GLIPR1L2: variants seen among roughly 807,000 people sequenced by gnomAD.
GLIPR1L2 encodes the protein GLIPR1 like 2.
A neutral mutation model predicts 28.4 loss-of-function variants in GLIPR1L2; 21 were observed. That is an observed-to-expected ratio of 0.74 (90% CI 0.52 to 1.06). GLIPR1L2 has a LOEUF of 1.06. GLIPR1L2 is among the 50% of genes least tolerant of loss of function. GLIPR1L2 has a pLI of 0.00. For synonymous variants in GLIPR1L2, 145 were observed against 139.3 expected (o/e 1.04, Z -0.29); for missense variants, 476 against 416.9 (o/e 1.14, Z -1.23).
chr12:75,422,927 A>G lies in GLIPR1L2; in HGVS notation c.608A>G (p.Tyr203Cys). The change falls in exon 4 of 6, where the codon TAT (tyrosine) becomes TGT (cysteine). Residue 203 changes from tyrosine (Y) to cysteine (C), a missense_variant. Tyr to Cys is a radical substitution (Grantham distance 194). Coordinates refer to ENST00000550916, the MANE Select transcript of GLIPR1L2 (RefSeq NM_001270396.2). ...APGGTLTRRP[Y>C]EPGIFCTRCG... ...AGAGGAACACTGACGAGAAGACCTT[A>G]TGAACCAGGAATATTTTGTACTCGA... 1.2e-6 allele frequency: 2 copies of G among 1,611,898 alleles called. No homozygotes were observed. The highest frequency in any genetic ancestry group is 1.3e-5 in the African/African-American group (1 of 74,918).
At chr12:75,413,237 C>G (rs1201360998) in intron 2 of GLIPR1L2, among the ~76,000 whole-genome samples, 1 of 151,426 alleles carries the variant, frequency 6.6e-6, no homozygotes, top group African/African-American at 2.4e-5. Context: ...GGAGATATAC[C>G]TAATGCTAAA....
chr12:75,403,834 C>T (rs1035365354), intron 1 of GLIPR1L2, among the ~76,000 whole-genome samples: 2 of 152,054 alleles, frequency 1.3e-5, no homozygotes, highest in East Asian at 3.8e-4. Flanking sequence ...ACTCAGGAAC[C>T]CTCAGAAGCA....
At chr12:75,399,163 T>C (rs759645180) in intron 1 of GLIPR1L2, among the ~76,000 whole-genome samples, 15 of 152,274 alleles carry the variant, frequency 9.9e-5, no homozygotes, top group African/African-American at 1.9e-4. Context: ...ATTGAACATA[T>C]TAGATTTTAT....
At chr12:75,399,845 A>C (rs2045720660) in intron 1 of GLIPR1L2, among the ~76,000 whole-genome samples, 1 of 152,226 alleles carries the variant, frequency 6.6e-6, no homozygotes, top group Non-Finnish European at 1.5e-5. Flanking sequence ...TAGTCCTTGT[A>C]GAGAAGAATC....
At chr12:75,398,185 C>T (rs1264853398) in intron 1 of GLIPR1L2, among the ~76,000 whole-genome samples, 6 of 151,648 alleles carry the variant, frequency 4.0e-5, no homozygotes, top group Non-Finnish European at 8.8e-5. Context: ...CAAAAATTGC[C>T]GAGCGTTGTG....
At chr12:75,395,953 TAC>T (rs1415481850) in intron 1 of GLIPR1L2, among the ~76,000 whole-genome samples, 2 of 152,150 alleles carry the variant, frequency 1.3e-5, no homozygotes, top group Non-Finnish European at 2.9e-5. Context: ...ACCTATGGTG[TAC>T]AGTTAGGTTG....
intron 1 of GLIPR1L2, among the ~76,000 whole-genome samples, chr12:75,395,248 C>G (rs979736829): frequency 6.6e-6 from 1 of 151,900 alleles, no homozygotes; most frequent in Non-Finnish European, 1.5e-5. Flanking sequence ...TTTTATATAT[C>G]GAACCATTCC....
intron 3 of GLIPR1L2, among the ~76,000 whole-genome samples, chr12:75,413,933 T>C (rs934986969): frequency 1.3e-5 from 2 of 152,068 alleles, no homozygotes; most frequent in Admixed American, 1.3e-4. Flanking sequence ...TTTAGTATTA[T>C]TTCACAATAT....
chr12:75,418,326 A>G (rs2139954375), intron 3 of GLIPR1L2, among the ~76,000 whole-genome samples: 1 of 152,188 alleles, frequency 6.6e-6, no homozygotes, highest in East Asian at 1.9e-4. Context: ...CTAATACATA[A>G]AAGACTTAAA....
At chr12:75,412,977 A>G (rs2045884775) in intron 2 of GLIPR1L2, among the ~76,000 whole-genome samples, 1 of 151,708 alleles carries the variant, frequency 6.6e-6, no homozygotes, top group Admixed American at 6.6e-5. Context: ...TGGATTAAGA[A>G]AATGTGGCAC....
At chr12:75,428,051 G>A (rs578221074) in intron 4 of GLIPR1L2, among the ~76,000 whole-genome samples, 18 of 152,324 alleles carry the variant, frequency 1.2e-4, no homozygotes, top group Admixed American at 9.8e-4. Context: ...AGCAACTTTG[G>A]AACTGGGTAA....
rs185568372 is a variant in GLIPR1L2 at position 75,400,280 on chromosome 12, G to A, written c.234+8930G>A. Among the ~76,000 whole-genome samples the A allele has an allele frequency of 4.6e-5, 7 of 151,966 alleles. No homozygotes were observed. The East Asian group carries it at 9.7e-4, about 21-fold the overall frequency. ...ACTACAGGCACCTGCCACCACGCCC[G>A]GCTAATTTTTTTTTGTATTTTTTTT... On this transcript the variant is annotated intron_variant, in intron 1 of 5. Coordinates refer to ENST00000550916, the MANE Select transcript of GLIPR1L2 (RefSeq NM_001270396.2).
chr12:75,408,742 T>C (rs2045829969), intron 1 of GLIPR1L2, among the ~76,000 whole-genome samples: 1 of 151,948 alleles, frequency 6.6e-6, no homozygotes, highest in South Asian at 2.1e-4. Flanking sequence ...ACATGCAAAC[T>C]GAAAGTTAAA....
intron 1 of GLIPR1L2, among the ~76,000 whole-genome samples, chr12:75,405,715 G>C (rs2045791087): frequency 6.6e-6 from 1 of 152,004 alleles, no homozygotes; most frequent in Non-Finnish European, 1.5e-5. Flanking sequence ...GCCTCTAGTG[G>C]TTATATGAGT....
chr12:75,431,296 T>C lies in GLIPR1L2; in HGVS notation c.*135T>C. The stretch of plus-strand genomic sequence containing the variant: ...AATATGCAAACCACCATTGGAATGT[T>C]TTTTATTCCCTTCTCTCCTATACTT... On this transcript the variant is annotated 3_prime_UTR_variant, in exon 6 of 6. Coordinates refer to ENST00000550916, the MANE Select transcript of GLIPR1L2 (RefSeq NM_001270396.2). 1 of 581,818 alleles carries C rather than the reference T, an allele frequency of 1.7e-6. No homozygotes were observed. The highest frequency in any genetic ancestry group is 3.0e-6 in the Non-Finnish European group (1 of 330,772). The allele number at this position is 581,818 out of a possible 1,614,324, so 36.0% of individuals were successfully genotyped here. A position where few individuals can be genotyped will look rare whatever the true frequency, so the allele number is the denominator to read the frequency against.
chr12:75,410,781 T>A, intron 2 of GLIPR1L2, 102 bp downstream of exon 2: 1 of 869,370 alleles, frequency 1.2e-6, no homozygotes, highest in Non-Finnish European at 1.7e-6. Flanking sequence ...ATAATAAAAT[T>A]ATCACATTTA....
In GLIPR1L2 at chr12:75,410,484, T is replaced by A. The variant is rs758774592; in HGVS notation, c.285T>A (p.Cys95Ter). The change falls in exon 2 of 6, where the codon TGT (cysteine) becomes TGA (stop). Residue 95 changes from cysteine to a stop codon, truncating the protein, a stop_gained. Transcript: ENST00000550916. LOFTEE classifies it high-confidence loss of function. ...CTGCTAGAGCATGGGGAAAAAAATG[T>A]TTGTTTACGCATAATATTTATTTAC... ...SRTARAWGKK[C>*]LFTHNIYLQD... 2 of 1,609,964 alleles carry A rather than the reference T, an allele frequency of 1.2e-6. No homozygotes were observed. The highest frequency in any genetic ancestry group is 1.7e-6 in the Non-Finnish European group (2 of 1,177,668).
In GLIPR1L2 at chr12:75,391,121, A is replaced by C. The variant is rs780961274; in HGVS notation, c.5A>C (p.Glu2Ala). 6.2e-7 allele frequency: 1 copy of C among 1,611,528 alleles called. No individual in the cohort carries two copies. MEAARPFAREWR... is the reference protein window; with the variant it reads MAAARPFAREWR... Reference sequence around the variant, plus strand: ...CCTGTCAGCGGCCGGTGGACCATGGAGGCCGCAAGGCCCTTCGCCCGGGAG... The same window carrying C: ...CCTGTCAGCGGCCGGTGGACCATGGCGGCCGCAAGGCCCTTCGCCCGGGAG... The change falls in exon 1 of 6, where the codon GAG (glutamate) becomes GCG (alanine). Residue 2 changes from glutamate (E) to alanine (A), a missense_variant. Coordinates refer to ENST00000550916, the MANE Select transcript of GLIPR1L2 (RefSeq NM_001270396.2).
intron 1 of GLIPR1L2, among the ~76,000 whole-genome samples, chr12:75,405,552 T>C (rs1339707550): frequency 6.6e-6 from 1 of 152,130 alleles, no homozygotes; most frequent in Non-Finnish European, 1.5e-5. Flanking sequence ...AAATTATTAC[T>C]AATAGGCTTC....
Sources: allele counts gnomAD v4.1 joint callset (sites outside exome capture counted in the v4.1 genomes callset), GRCh38; gene constraint gnomAD v4.1.1; transcripts MANE v1.5; gene names NCBI Gene and HGNC (gene_info 2026-07-23, HGNC 2026-07-21).